Variants in HPSE2 observed in about 807,000 individuals in gnomAD.
The protein encoded by HPSE2 is inactive heparanase-2.
A neutral mutation model predicts 60.5 loss-of-function variants in HPSE2; 38 were observed. The ratio of observed to expected loss-of-function variants is 0.63; its 90% CI spans 0.48 to 0.82. The LOEUF (loss-of-function observed/expected upper bound fraction) is 0.82. HPSE2 is among the 40% of genes least tolerant of loss of function. The probability of loss-of-function intolerance (pLI) is 0.00; values close to 1 mark genes in which losing one functional copy is unlikely to be tolerated. For synonymous variants in HPSE2, 295 were observed against 293.2 expected (o/e 1.01, Z -0.06); for missense variants, 713 against 740.4 (o/e 0.96, Z 0.43).
intron 2 of HPSE2, among the ~76,000 whole-genome samples, chr10:99,167,673 A>T (rs999612718): frequency 2.6e-5 from 4 of 152,060 alleles, no homozygotes; most frequent in African/African-American, 9.7e-5. Context: ...ATGGCTCTAT[A>T]TTGTCTTGTC....
At chr10:98,823,691 A>T (rs1330308496) in intron 3 of HPSE2, among the ~76,000 whole-genome samples, 1 of 152,226 alleles carries the variant, frequency 6.6e-6, no homozygotes, top group Non-Finnish European at 1.5e-5. Context: ...CCAAGAAGAT[A>T]TAATTCTAAA....
chr10:99,006,155 G>T (rs1956887719), intron 3 of HPSE2, among the ~76,000 whole-genome samples: 1 of 152,136 alleles, frequency 6.6e-6, no homozygotes, highest in Non-Finnish European at 1.5e-5. Context: ...GGTCAGCCAG[G>T]TGCTGGGATG....
intron 2 of HPSE2, among the ~76,000 whole-genome samples, chr10:99,173,761 T>G (rs1847410230): frequency 6.6e-6 from 1 of 151,932 alleles, no homozygotes; most frequent in African/African-American, 2.4e-5. Flanking sequence ...CTGGCCAACA[T>G]GGCGAAACCC....
intron 3 of HPSE2, among the ~76,000 whole-genome samples, chr10:98,749,699 T>C (rs1244827376): frequency 1.3e-5 from 2 of 150,872 alleles, no homozygotes; most frequent in African/African-American, 2.4e-5. Flanking sequence ...TACTTTATTA[T>C]AAGATAGGCT....
intron 9 of HPSE2, among the ~76,000 whole-genome samples, chr10:98,533,283 A>C (rs1589378302): frequency 6.6e-6 from 1 of 152,240 alleles, no homozygotes; most frequent in Non-Finnish European, 1.5e-5. Context: ...CAAACAGCGT[A>C]AAGTAGAATT....
intron 3 of HPSE2, among the ~76,000 whole-genome samples, chr10:98,805,708 GTAAA>G (rs1439883474): frequency 2.6e-5 from 4 of 152,012 alleles, no homozygotes; most frequent in African/African-American, 4.8e-5. Context: ...AGATATTTAG[GTAAA>G]TAAATAAGTT....
intron 2 of HPSE2, among the ~76,000 whole-genome samples, chr10:99,171,723 G>A (rs911809497): frequency 3.9e-5 from 6 of 152,038 alleles, no homozygotes; most frequent in African/African-American, 1.4e-4. Context: ...TGAATAATGG[G>A]CAAAGACACT....
intron 9 of HPSE2, among the ~76,000 whole-genome samples, chr10:98,503,748 T>A (rs1942104282): frequency 6.6e-6 from 1 of 152,154 alleles, no homozygotes. Context: ...TTATTCTAAG[T>A]AAACTAACTC....
At chr10:99,050,244 G>C (rs1368409786) in intron 3 of HPSE2, among the ~76,000 whole-genome samples, 1 of 151,990 alleles carries the variant, frequency 6.6e-6, no homozygotes, top group Non-Finnish European at 1.5e-5. Context: ...TGAGGCTGTA[G>C]TGGGGTATGA....
intron 7 of HPSE2, among the ~76,000 whole-genome samples, chr10:98,624,174 A>G (rs1258747106): frequency 7.0e-6 from 1 of 143,212 alleles, no homozygotes; most frequent in Non-Finnish European, 1.6e-5. Flanking sequence ...GAATAATAAT[A>G]AACAAGTAAA....
chr10:99,305,979 G>GCGCGCACACACGCACACA, the HPSE2 span, among the ~76,000 whole-genome samples: 1 of 80,580 alleles, frequency 1.2e-5, no homozygotes, highest in South Asian at 5.7e-4. Context: ...GCGCGCGCGC[G>GCGCGCACACACGCACACA]CACACACACA....
At chr10:98,526,952 G>A (rs1942985055) in intron 9 of HPSE2, among the ~76,000 whole-genome samples, 1 of 152,096 alleles carries the variant, frequency 6.6e-6, no homozygotes, top group Non-Finnish European at 1.5e-5. Context: ...TTTTTTTAAA[G>A]GGACCTCAAA....
At chr10:99,091,200 T>G (rs1843499712) in intron 3 of HPSE2, among the ~76,000 whole-genome samples, 1 of 152,140 alleles carries the variant, frequency 6.6e-6, no homozygotes, top group Non-Finnish European at 1.5e-5. Flanking sequence ...TAGCATCCCA[T>G]CAAATTAAAA....
chr10:99,005,592 T>A (rs1358499054), intron 3 of HPSE2, among the ~76,000 whole-genome samples: 2 of 152,208 alleles, frequency 1.3e-5, no homozygotes, highest in African/African-American at 4.8e-5. Context: ...GTATTTTCTT[T>A]AATTTTGCTG....
chr10:99,070,318 C>T (rs1287837766), intron 3 of HPSE2, among the ~76,000 whole-genome samples: 3 of 152,154 alleles, frequency 2.0e-5, no homozygotes, highest in South Asian at 4.1e-4. Flanking sequence ...TGAACATACA[C>T]TTCTGCAAAG....
At chr10:98,863,476 C>A (rs534290959) in intron 3 of HPSE2, among the ~76,000 whole-genome samples, 6 of 152,310 alleles carry the variant, frequency 3.9e-5, no homozygotes, top group Admixed American at 2.6e-4. Context: ...GAACTACCCA[C>A]ATGTACATGC....
chr10:99,250,159 A>AG, the HPSE2 span, among the ~76,000 whole-genome samples: 2 of 149,610 alleles, frequency 1.3e-5, no homozygotes, highest in African/African-American at 2.5e-5. Context: ...AAAAAAAAAA[A>AG]GTGGGTAGCA....
At chr10:98,939,766 C>T (rs1954932116) in intron 3 of HPSE2, among the ~76,000 whole-genome samples, 2 of 144,156 alleles carry the variant, frequency 1.4e-5, no homozygotes, top group South Asian at 4.2e-4. Context: ...CAACACAAAT[C>T]AACAAAATAA....
chr10:98,580,848 G>A (rs371190928), intron 9 of HPSE2, among the ~76,000 whole-genome samples: 2 of 94,370 alleles, frequency 2.1e-5, no homozygotes, highest in Non-Finnish European at 4.7e-5. Flanking sequence ...GTGTGTGTGT[G>A]TGTGTGTGTG....
Sources: gnomAD v4.1 joint callset for allele counts (sites outside exome capture counted in the v4.1 genomes callset) on GRCh38, gnomAD v4.1.1 for gene constraint, MANE v1.5 for transcripts, NCBI Gene and HGNC (gene_info 2026-07-23, HGNC 2026-07-21) for gene names.